Variants in MYO18B observed in about 807,000 individuals in gnomAD.
MYO18B encodes myosin XVIIIB.
Under a neutral mutation model 273.0 loss-of-function variants are expected in MYO18B, and 204 were observed. The observed-to-expected ratio is 0.75, with a 90% CI of 0.67 to 0.84. The LOEUF is 0.84. Ranked by LOEUF, MYO18B falls within the 40% of genes least tolerant of loss-of-function variation. MYO18B has a pLI of 0.00. For synonymous variants in MYO18B, 1,330 were observed against 1,305.7 expected (o/e 1.02, Z -0.40); for missense variants, 3,212 against 3,287.6 (o/e 0.98, Z 0.56).
intron 42 of MYO18B, among the ~76,000 whole-genome samples, chr22:26,021,250 A>C (rs1160447686): frequency 6.6e-6 from 1 of 152,200 alleles, no homozygotes; most frequent in Non-Finnish European, 1.5e-5. Context: ...AGTTTACCTA[A>C]TAAACTTCTA....
At chr22:25,809,515 A>G (rs78147578) in intron 12 of MYO18B, among the ~76,000 whole-genome samples, 9,985 of 152,098 alleles carry the variant, frequency 0.066, 574 homozygotes, top group East Asian at 0.21. Context: ...CTGACCCATT[A>G]CTTAATATAC....
intron 11 of MYO18B, among the ~76,000 whole-genome samples, chr22:25,793,364 A>G (rs2087762628): frequency 6.6e-6 from 1 of 152,176 alleles, no homozygotes. Context: ...CCTCCCAAGT[A>G]GCTGGGGCTA....
chr22:25,974,810 A>G (rs2093071257), intron 39 of MYO18B, among the ~76,000 whole-genome samples: 1 of 152,338 alleles, frequency 6.6e-6, no homozygotes, highest in East Asian at 1.9e-4. Context: ...TCCCATTCAA[A>G]TATGGAGCCA....
At chr22:25,932,391 T>G (rs28759350) in intron 34 of MYO18B, among the ~76,000 whole-genome samples, 1 of 135,236 alleles carries the variant, frequency 7.4e-6, no homozygotes, top group Non-Finnish European at 1.7e-5. Flanking sequence ...TTTTCTTTTC[T>G]TTTCTTTTTT....
intron 17 of MYO18B, among the ~76,000 whole-genome samples, chr22:25,842,154 G>A (rs909727603): frequency 1.5e-4 from 23 of 152,224 alleles, no homozygotes; most frequent in Non-Finnish European, 1.9e-4. Context: ...AAAGGCTCAC[G>A]AAAGCCGCAG....
At chr22:25,849,121 T>C (rs893226938) in intron 20 of MYO18B, among the ~76,000 whole-genome samples, 1 of 152,224 alleles carries the variant, frequency 6.6e-6, no homozygotes, top group Non-Finnish European at 1.5e-5. Context: ...TCGATTCTAT[T>C]TGGCTGCTTG....
chr22:25,783,638 G>T (rs1463304093), intron 10 of MYO18B, among the ~76,000 whole-genome samples: 1 of 152,212 alleles, frequency 6.6e-6, no homozygotes, highest in African/African-American at 2.4e-5. Context: ...ACCCTGGGGT[G>T]GGCCCAGGAA....
At position 26,021,842 on chromosome 22, in the gene MYO18B, T is replaced by C. The variant is rs1373325678; in HGVS notation, c.6471-4603T>C. Among the ~76,000 whole-genome samples, 66 of 152,318 alleles carry C rather than the reference T, an allele frequency of 4.3e-4. 1 individual carries two copies. Among genetic ancestry groups the C allele is most frequent in the Non-Finnish European group, 8.8e-5 (6 of 68,024 alleles). On this transcript the variant is annotated intron_variant, in intron 42 of 43. Coordinates refer to ENST00000335473, the MANE Select transcript of MYO18B (RefSeq NM_032608.7). ...GGGTAGGAGCCATCCGTTTGCTCTC[T>C]CCTATATTCCTGGTATCCAGCACAG... is the stretch of plus-strand genomic sequence containing the variant.
intron 25 of MYO18B, among the ~76,000 whole-genome samples, chr22:25,884,234 T>C (rs1335238379): frequency 6.6e-6 from 1 of 152,074 alleles, no homozygotes; most frequent in Non-Finnish European, 1.5e-5. Flanking sequence ...GGGTCATGAG[T>C]GTGGCTTCCA....
At chr22:25,938,532 A>G (rs755460725) in intron 34 of MYO18B, among the ~76,000 whole-genome samples, 17 of 152,234 alleles carry the variant, frequency 1.1e-4, no homozygotes, top group Non-Finnish European at 1.2e-4. Context: ...CAGTTTTCTC[A>G]TTTGTGAAAT....
At chr22:25,973,343 T>C (rs1265567368) in intron 39 of MYO18B, among the ~76,000 whole-genome samples, 1 of 152,174 alleles carries the variant, frequency 6.6e-6, no homozygotes, top group East Asian at 1.9e-4. Context: ...TTTTAGAACA[T>C]AGAACAATAG....
intron 20 of MYO18B, among the ~76,000 whole-genome samples, chr22:25,850,440 G>A (rs779406624): frequency 6.6e-6 from 1 of 152,062 alleles, no homozygotes; most frequent in East Asian, 1.9e-4. Flanking sequence ...TCATCTCTCT[G>A]GGGCTCAATT....
At chr22:26,024,042 C>A (rs1034167654) in intron 42 of MYO18B, among the ~76,000 whole-genome samples, 2 of 152,014 alleles carry the variant, frequency 1.3e-5, no homozygotes, top group Admixed American at 6.5e-5. Flanking sequence ...ACATAGGAAC[C>A]AACCTTTCTT....
At chr22:25,929,181 A>G (rs1267020639) in intron 34 of MYO18B, among the ~76,000 whole-genome samples, 1 of 139,786 alleles carries the variant, frequency 7.2e-6, no homozygotes, top group Non-Finnish European at 1.6e-5. Context: ...AAAAAAAGAC[A>G]GTGATCTCAA....
intron 25 of MYO18B, among the ~76,000 whole-genome samples, chr22:25,888,410 C>T (rs1260833389): frequency 6.6e-6 from 1 of 152,148 alleles, no homozygotes; most frequent in Non-Finnish European, 1.5e-5. Flanking sequence ...TATAGGCACA[C>T]ACCATCTCGG....
At chr22:25,994,464 C>A (rs1191115562) in intron 40 of MYO18B, among the ~76,000 whole-genome samples, 1 of 152,100 alleles carries the variant, frequency 6.6e-6, no homozygotes, top group African/African-American at 2.4e-5. Flanking sequence ...CAGAGCAAGA[C>A]CCTGTCTCAG....
chr22:25,882,118 T>G (rs1476080709), intron 25 of MYO18B, among the ~76,000 whole-genome samples: 1 of 152,172 alleles, frequency 6.6e-6, no homozygotes, highest in Non-Finnish European at 1.5e-5. Flanking sequence ...AGCCTTGTTG[T>G]TTCCCCTCAC....
chr22:26,051,003 A>G, the MYO18B span, among the ~76,000 whole-genome samples: 2 of 152,180 alleles, frequency 1.3e-5, no homozygotes. Context: ...TGGTTCTGAG[A>G]GAGAGGGAGA....
At chr22:25,813,201 T>G (rs2088843002) in intron 12 of MYO18B, among the ~76,000 whole-genome samples, 1 of 108,716 alleles carries the variant, frequency 9.2e-6, no homozygotes, top group African/African-American at 3.4e-5. Context: ...TTTTTTTTTT[T>G]GAGACGGAGT....
Sources: gnomAD v4.1 joint callset for allele counts (sites outside exome capture counted in the v4.1 genomes callset) on GRCh38, gnomAD v4.1.1 for gene constraint, MANE v1.5 for transcripts, NCBI Gene and HGNC (gene_info 2026-07-23, HGNC 2026-07-21) for gene names.